Variants in DOK7 observed in about 807,000 individuals in gnomAD.
DOK7 encodes protein Dok-7.
In DOK7, 32 loss-of-function variants were observed where a neutral mutation model predicts 30.7. The ratio of observed to expected loss-of-function variants is 1.04; its 90% CI spans 0.79 to 1.40. The LOEUF (loss-of-function observed/expected upper bound fraction) is 1.40, where lower values mean the gene tolerates loss of function less well. Ranked by LOEUF, DOK7 falls within the 40% of genes most tolerant of loss-of-function variation. The pLI, the probability that DOK7 is intolerant of heterozygous loss-of-function variation, is 0.00. For missense variants in DOK7, 1,007 were observed against 699.2 expected (o/e 1.44, Z -4.97); for synonymous variants, 447 against 324.1 (o/e 1.38, Z -4.07).
chr4:3,479,434 A>G (rs1303872538), intron 4 of DOK7, among the ~76,000 whole-genome samples: 1 of 152,230 alleles, frequency 6.6e-6, no homozygotes, highest in East Asian at 1.9e-4. Flanking sequence ...CCAGAATCTG[A>G]ATCCCAATAA....
intron 2 of DOK7, among the ~76,000 whole-genome samples, chr4:3,463,866 C>T (rs1415659021): frequency 1.3e-5 from 2 of 152,164 alleles, no homozygotes; most frequent in Non-Finnish European, 2.9e-5. Flanking sequence ...CCCCACATAC[C>T]TGAGGGTTGA....
chr4:3,494,087 T>TGGGCCCC lies in DOK7; in HGVS notation c.*587_*593dup. 1 of 986,560 alleles carries TGGGCCCC rather than the reference T, an allele frequency of 1.0e-6. No homozygotes were observed. The highest frequency in any genetic ancestry group is 1.2e-6 in the Non-Finnish European group (1 of 830,778). The allele number at this position is 986,560 out of a possible 1,614,324, so 61.1% of individuals were successfully genotyped here. A position where few individuals can be genotyped will look rare whatever the true frequency, so the allele number is the denominator to read the frequency against. On this transcript the variant is annotated 3_prime_UTR_variant, in exon 7 of 7. Transcript: ENST00000340083. The stretch of plus-strand genomic sequence containing the variant: ...TGTGGCTTGCGGGGTCTCTGGGTTC[T>TGGGCCCC]GGGCCCCACTGTTCCCCAGTGAAGC...
chr4:3,481,273 TGGAG>T (rs1727427785), intron 4 of DOK7, among the ~76,000 whole-genome samples: 1 of 151,890 alleles, frequency 6.6e-6, no homozygotes, highest in Admixed American at 6.6e-5. Flanking sequence ...CAGATGAGCT[TGGAG>T]GAAGAGGCTG....
At chr4:3,472,355 G>A (rs371341630) in intron 2 of DOK7, among the ~76,000 whole-genome samples, 74 of 152,300 alleles carry the variant, frequency 4.9e-4, no homozygotes, top group Middle Eastern at 6.8e-3. Context: ...AATCCTCTTC[G>A]GGGACATTCT....
intron 4 of DOK7, among the ~76,000 whole-genome samples, chr4:3,479,510 G>T (rs1419708935): frequency 6.6e-6 from 1 of 152,250 alleles, no homozygotes; most frequent in African/African-American, 2.4e-5. Context: ...GAAGGCCCTG[G>T]AAGTTCTTGG....
Position 3,489,767 on chromosome 4 carries a change from T to C in DOK7, c.743T>C (p.Leu248Pro), listed in dbSNP as rs754901308. ...CAGCTGGAGAAGCGGCTGAGCCTCC[T>C]CTCACATGCGGGCAGGCCGGGCAGT... ...TLQLEKRLSL[L>P]SHAGRPGSGG... The change falls in exon 6 of 7, where the codon CTC (leucine) becomes CCC (proline). Residue 248 changes from leucine to proline, a missense_variant. By Grantham distance (98) the Leu-to-Pro change is moderately conservative. Transcript: ENST00000340083. The C allele has an allele frequency of 6.4e-7, 1 of 1,573,202 alleles. No homozygotes were observed. The highest frequency in any genetic ancestry group is 1.2e-5 in the South Asian group (1 of 85,742).
downstream of DOK7, among the ~76,000 whole-genome samples, chr4:3,496,467 G>GT (rs1301739132): frequency 5.3e-5 from 8 of 152,246 alleles, no homozygotes; most frequent in African/African-American, 1.9e-4. Context: ...CATGGGCGTG[G>GT]TACTCCTCCG....
Position 3,489,661 on chromosome 4 carries a change from C to G in DOK7, c.653-16C>G. 1 of 1,563,578 alleles carries G rather than the reference C, an allele frequency of 6.4e-7. No individual in the cohort carries two copies. On this transcript the variant is annotated splice_polypyrimidine_tract_variant and intron_variant, in intron 5 of 6. Transcript: ENST00000340083. Reference sequence around the variant, plus strand: ...GTGGTGGCCACCTCCTCCACCGAGTCTTCTCTCTGCCACAGACCCAAGTCC... The same window carrying G: ...GTGGTGGCCACCTCCTCCACCGAGTGTTCTCTCTGCCACAGACCCAAGTCC...
chr4:3,493,582 C>T lies in DOK7; in HGVS notation c.*81C>T. ...AGAGGAAGTGGCGCCAGCCTCCTTG[C>T]AGACTGGTGCTCTGTGTTCTGTGGG... On this transcript the variant is annotated 3_prime_UTR_variant, in exon 7 of 7. Coordinates refer to ENST00000340083, the MANE Select transcript of DOK7 (RefSeq NM_173660.5). 3 of 1,556,540 alleles carry T rather than the reference C, an allele frequency of 1.9e-6. No individual in the cohort carries two copies. Among genetic ancestry groups the T allele is most frequent in the Admixed American group, 1.9e-5 (1 of 52,598 alleles).
chr4:3,494,872 C>G (rs1728816140), downstream of DOK7, among the ~76,000 whole-genome samples: 2 of 152,290 alleles, frequency 1.3e-5, no homozygotes, highest in South Asian at 4.1e-4. Flanking sequence ...GGGCCGAGTT[C>G]CAGGCTTGTC....
At chr4:3,489,923 CCTG>C in intron 6 of DOK7, 127 bp downstream of exon 6, 1 of 1,402,968 alleles carries the variant, frequency 7.1e-7, no homozygotes, top group Middle Eastern at 2.0e-4. Flanking sequence ...CCTTCTGTCT[CCTG>C]CTCATTCATT....
At chr4:3,477,187 C>T (rs942216925) in intron 4 of DOK7, among the ~76,000 whole-genome samples, 1 of 152,290 alleles carries the variant, frequency 6.6e-6, no homozygotes, top group South Asian at 2.1e-4. Flanking sequence ...CAACCCCCTC[C>T]ACTTTCTCCC....
intron 4 of DOK7, among the ~76,000 whole-genome samples, chr4:3,477,300 G>A (rs1314757314): frequency 1.3e-5 from 2 of 152,254 alleles, no homozygotes; most frequent in Non-Finnish European, 1.5e-5. Flanking sequence ...CTCATTGGCC[G>A]GGCTGAAGGC....
At chr4:3,484,480 G>A in intron 4 of DOK7, 1 of 985,176 alleles carries the variant, frequency 1.0e-6, no homozygotes, top group South Asian at 4.7e-5. Context: ...CCCGGAGCGG[G>A]CGGGATTCCT....
chr4:3,468,905 C>CTG (rs200693739), intron 2 of DOK7, among the ~76,000 whole-genome samples: 2,227 of 134,918 alleles, frequency 0.017, 60 homozygotes, highest in African/African-American at 0.059. Context: ...GTGTGCATGT[C>CTG]TGTGTGTGTA....
chr4:3,491,442 C>A (rs763981612), intron 6 of DOK7, among the ~76,000 whole-genome samples: 3 of 82,304 alleles, frequency 3.6e-5, no homozygotes, highest in African/African-American at 1.1e-4. Flanking sequence ...TCATTCATTT[C>A]TTTCTTCTCT....
Position 3,493,030 on chromosome 4 carries a change from C to T in DOK7, c.1044C>T (p.Tyr348=), listed in dbSNP as rs763754729. The T allele has an allele frequency of 8.9e-6, 14 of 1,570,140 alleles. No homozygotes were observed. Among genetic ancestry groups the T allele is most frequent in the East Asian group, 2.3e-5 (1 of 43,182 alleles). The change falls in exon 7 of 7, where the codon TAC becomes TAT. Residue 348 remains tyrosine, a synonymous_variant. Coordinates refer to ENST00000340083, the MANE Select transcript of DOK7 (RefSeq NM_173660.5). ...SGIATGSHSS[Y]SSSLSSYAGS... ...TCGCCACTGGCAGCCACTCCTCTTA[C>T]TCCAGCAGCCTCTCGTCCTACGCGG...
chr4:3,466,423 C>T (rs891092895), intron 2 of DOK7, among the ~76,000 whole-genome samples: 7 of 152,094 alleles, frequency 4.6e-5, no homozygotes, highest in Non-Finnish European at 1.0e-4. Flanking sequence ...CCCTCCACAG[C>T]GCCTCCGCTA....
Position 3,473,506 on chromosome 4 carries a change from C to T in DOK7, c.201C>T (p.Pro67=), listed in dbSNP as rs770153614. The change falls in exon 3 of 7, where the codon CCC becomes CCT. Residue 67 remains proline (P), a synonymous_variant. Transcript: ENST00000340083. ...TAGAGGACATCTGCGGGCTGGAGCC[C>T]GGCCTGCCCTACGAGGGCCTGGTCC... ...LTLEDICGLE[P]GLPYEGLVHT... The T allele has an allele frequency of 6.0e-5, 97 of 1,611,054 alleles. No individual in the cohort carries two copies. The highest frequency in any genetic ancestry group is 1.2e-4 in the Admixed American group (7 of 59,996).
Sources: allele counts gnomAD v4.1 joint callset (sites outside exome capture counted in the v4.1 genomes callset), GRCh38; gene constraint gnomAD v4.1.1; transcripts MANE v1.5; gene names NCBI Gene and HGNC (gene_info 2026-07-23, HGNC 2026-07-21).